The following SDCCAG8 variants were observed in gnomAD, a reference collection of about 807,000 sequenced individuals.
The protein encoded by SDCCAG8 is SHH signaling and ciliogenesis regulator SDCCAG8.
Under a neutral mutation model 101.8 loss-of-function variants are expected in SDCCAG8, and 74 were observed. The ratio of observed to expected loss-of-function variants is 0.73; its 90% CI spans 0.60 to 0.88. The LOEUF (loss-of-function observed/expected upper bound fraction) is 0.88, where lower values mean the gene tolerates loss of function less well. Ranked by LOEUF, SDCCAG8 falls within the 40% of genes least tolerant of loss-of-function variation. The pLI, the probability that SDCCAG8 is intolerant of heterozygous loss-of-function variation, is 0.00. For missense variants in SDCCAG8, 787 were observed against 822.6 expected (o/e 0.96, Z 0.53); for synonymous variants, 281 against 292.9 (o/e 0.96, Z 0.41).
At position 243,270,141 on chromosome 1, in the gene SDCCAG8, C is replaced by T; in HGVS notation, c.104C>T (p.Ala35Val). ...AGAAGCATTCACCAACTGACATGTG[C>T]CCTGAAAGAAGGCGATGTCACTATT... is the stretch of plus-strand genomic sequence containing the variant. ...ASRSIHQLTCALKEGDVTIGE... is the reference protein window; with the variant it reads ...ASRSIHQLTCVLKEGDVTIGE... Residue 35 changes from alanine to valine, a missense_variant, in exon 2 of 18, where the codon GCC (alanine) becomes GTC (valine). Transcript: ENST00000366541. 1 of 1,614,174 alleles carries T rather than the reference C, an allele frequency of 6.2e-7. No homozygotes were observed. Among genetic ancestry groups the T allele is most frequent in the East Asian group, 2.2e-5 (1 of 44,884 alleles).
intron 16 of SDCCAG8, among the ~76,000 whole-genome samples, chr1:243,435,806 C>G (rs1428541500): frequency 1.3e-5 from 2 of 151,600 alleles, no homozygotes; most frequent in Non-Finnish European, 2.9e-5. Context: ...AGTAAAATTT[C>G]AAGAGGGATA....
intron 16 of SDCCAG8, among the ~76,000 whole-genome samples, chr1:243,447,514 A>G (rs1372352281): frequency 6.6e-6 from 1 of 151,960 alleles, no homozygotes; most frequent in Admixed American, 6.6e-5. Context: ...GTGCCTGCGC[A>G]CGCACACACA....
At chr1:243,271,118 G>A in intron 3 of SDCCAG8, 55 bp downstream of exon 3, 1 of 1,299,252 alleles carries the variant, frequency 7.7e-7, no homozygotes, top group Non-Finnish European at 1.1e-6. Context: ...ACTGTATTGT[G>A]TTATTTTGTA....
intron 15 of SDCCAG8, among the ~76,000 whole-genome samples, chr1:243,418,894 C>G (rs1322259368): frequency 6.6e-6 from 1 of 152,076 alleles, no homozygotes; most frequent in Non-Finnish European, 1.5e-5. Context: ...TATGATAACT[C>G]AATGAAAAAA....
At chr1:243,258,062 GTTTTCATTTAAGGA>G (rs2066907301) in intron 1 of SDCCAG8, among the ~76,000 whole-genome samples, 1 of 151,970 alleles carries the variant, frequency 6.6e-6, no homozygotes, top group Admixed American at 6.6e-5. Context: ...AGAATGAAGG[GTTTTCATTTAAGGA>G]TAATACATTT....
intron 13 of SDCCAG8, among the ~76,000 whole-genome samples, chr1:243,382,909 G>C (rs983142091): frequency 6.6e-6 from 1 of 152,184 alleles, no homozygotes; most frequent in Non-Finnish European, 1.5e-5. Flanking sequence ...ATTGACTAGA[G>C]GATCTGTTAA....
At chr1:243,267,966 G>C in intron 1 of SDCCAG8, 1 of 783,572 alleles carries the variant, frequency 1.3e-6, no homozygotes. Flanking sequence ...AATCAGGAAA[G>C]GTGTTGCGGA....
chr1:243,308,071 A>G lies in SDCCAG8; in HGVS notation c.823A>G (p.Thr275Ala). ...KHKEFLLAAN[T>A]CNRVGGLCLK... ...TAAAGAATTTCTTCTGGCTGCTAAT[A>G]CTTGTAACCGTGTTGGTGGTCTTTG... The change falls in exon 8 of 18, where the codon ACT (threonine) becomes GCT (alanine). Residue 275 changes from threonine to alanine, a missense_variant. Transcript: ENST00000366541. 1.2e-6 allele frequency: 2 copies of G among 1,614,204 alleles called. No individual in the cohort carries two copies. The highest frequency in any genetic ancestry group is 1.1e-5 in the South Asian group (1 of 91,082).
At chr1:243,341,234 T>A (rs990729136) in intron 11 of SDCCAG8, 61 bp downstream of exon 11, 1 of 1,580,952 alleles carries the variant, frequency 6.3e-7, no homozygotes. Context: ...GAAAAATGTT[T>A]TCCTAATGTA....
intron 16 of SDCCAG8, among the ~76,000 whole-genome samples, chr1:243,473,080 GATC>G (rs1283469486): frequency 4.0e-5 from 6 of 149,732 alleles, no homozygotes; most frequent in Middle Eastern, 3.4e-3. Context: ...CCGAGTTTAG[GATC>G]TCTGCGGGGG....
At chr1:243,360,754 G>T (rs984320964) in intron 12 of SDCCAG8, among the ~76,000 whole-genome samples, 4 of 152,084 alleles carry the variant, frequency 2.6e-5, no homozygotes, top group African/African-American at 9.7e-5. Context: ...CCCGGGTGGT[G>T]GAGGTTGCGG....
At chr1:243,322,779 CTT>C (rs200221920) in intron 9 of SDCCAG8, among the ~76,000 whole-genome samples, 22 of 144,444 alleles carry the variant, frequency 1.5e-4, no homozygotes, top group African/African-American at 5.1e-4. Flanking sequence ...CCCAATCACA[CTT>C]TTTTTTTTTT....
intron 8 of SDCCAG8, among the ~76,000 whole-genome samples, chr1:243,309,440 C>T (rs556344913): frequency 2.0e-4 from 30 of 152,282 alleles, no homozygotes; most frequent in African/African-American, 5.5e-4. Flanking sequence ...TCTATACTCC[C>T]AAGAATGATC....
At position 243,416,618 on chromosome 1, in the gene SDCCAG8, G is replaced by A. The variant is rs777355567; in HGVS notation, c.1744+789G>A. Among the ~76,000 whole-genome samples the A allele has an allele frequency of 1.3e-5, 2 of 152,208 alleles. No homozygotes were observed. Among genetic ancestry groups the A allele is most frequent in the Non-Finnish European group, 2.9e-5 (2 of 68,030 alleles). On this transcript the variant is annotated intron_variant, in intron 14 of 17. Transcript: ENST00000366541. This position sits in a 1 kb window ranked among gnomAD's most constrained non-coding sequence, Gnocchi z 4.3. ...ACTATTCTGCAGACTGAGTTGGCCA[G>A]TAACTCTTTACCTTTAATTTGAAAG... is the stretch of plus-strand genomic sequence containing the variant.
intron 12 of SDCCAG8, among the ~76,000 whole-genome samples, chr1:243,367,108 T>C (rs1360436047): frequency 2.0e-5 from 3 of 152,178 alleles, no homozygotes; most frequent in African/African-American, 4.8e-5. Flanking sequence ...GTAATAAAAG[T>C]CAATAACTGT....
At chr1:243,471,007 A>G (rs999405722) in intron 16 of SDCCAG8, among the ~76,000 whole-genome samples, 1 of 152,266 alleles carries the variant, frequency 6.6e-6, no homozygotes, top group East Asian at 1.9e-4. Context: ...AAATATCTGT[A>G]TAGGCAGAGG....
intron 4 of SDCCAG8, among the ~76,000 whole-genome samples, chr1:243,283,060 T>C (rs2069208731): frequency 6.6e-6 from 1 of 152,168 alleles, no homozygotes; most frequent in Admixed American, 6.5e-5. Flanking sequence ...TTAGCCAGGC[T>C]GGTTTTGAAC....
At chr1:243,402,456 A>G (rs1033183990) in intron 13 of SDCCAG8, among the ~76,000 whole-genome samples, 1 of 152,148 alleles carries the variant, frequency 6.6e-6, no homozygotes, top group African/African-American at 2.4e-5. Context: ...AGTTTTAATA[A>G]CATAATTTAT....
rs945649934 is a variant in SDCCAG8, at chr1:243,378,844, C to T, written c.1597C>T (p.His533Tyr). ...AACAGAACTGCTGGGCGAATCTGAG[C>T]ACCAACTGCACCTCACCAGGTACTC... ...RLTELLGESE[H>Y]QLHLTRQEKD... Residue 533 changes from histidine (H) to tyrosine (Y), a missense_variant, in exon 13 of 18, where the codon CAC becomes TAC. By Grantham distance (83) the His-to-Tyr change is moderately conservative. Transcript: ENST00000366541. 1.9e-6 allele frequency: 3 copies of T among 1,614,058 alleles called. No individual in the cohort carries two copies. The East Asian group carries it at 6.7e-5, about 36-fold the overall frequency.
Sources: gnomAD v4.1 joint callset for allele counts (sites outside exome capture counted in the v4.1 genomes callset) on GRCh38, gnomAD v4.1.1 for gene constraint, Gnocchi (gnomAD v3.1) non-coding constraint, MANE v1.5 for transcripts, NCBI Gene and HGNC (gene_info 2026-07-23, HGNC 2026-07-21) for gene names.